Variants in SPTBN1 observed in about 807,000 individuals in gnomAD.
SPTBN1 encodes the protein spectrin beta chain, non-erythrocytic 1.
Under a neutral mutation model 266.4 loss-of-function variants are expected in SPTBN1, and 32 were observed. The ratio of observed to expected loss-of-function variants is 0.12; its 90% CI spans 0.09 to 0.16. SPTBN1 has a LOEUF of 0.16. Among genes scored for constraint, SPTBN1 ranks in the 10% least tolerant of loss-of-function variants. The pLI, the probability that SPTBN1 is intolerant of heterozygous loss-of-function variation, is 1.00. For synonymous variants in SPTBN1, 1,336 were observed against 1,162.2 expected (o/e 1.15, Z -3.04); for missense variants, 2,296 against 3,067.1 (o/e 0.75, Z 5.94).
At chr2:54,639,629 A>G (rs1572731148) in intron 18 of SPTBN1, among the ~76,000 whole-genome samples, 1 of 152,322 alleles carries the variant, frequency 6.6e-6, no homozygotes, top group East Asian at 1.9e-4. Flanking sequence ...CATGTATGGG[A>G]AAAGTAAGTA....
intron 26 of SPTBN1, among the ~76,000 whole-genome samples, chr2:54,651,956 A>G (rs1680318442): frequency 6.6e-6 from 1 of 152,076 alleles, no homozygotes; most frequent in Non-Finnish European, 1.5e-5. Flanking sequence ...CTTCTGTGCA[A>G]TCAGGGGTCA....
intron 1 of SPTBN1, among the ~76,000 whole-genome samples, chr2:54,501,473 G>C (rs750591506): frequency 6.6e-6 from 1 of 152,122 alleles, no homozygotes; most frequent in African/African-American, 2.4e-5. Context: ...CATTATTTAG[G>C]TACAGTGTTA....
In SPTBN1 at chr2:54,587,804, G is replaced by A. The variant is rs116445095; in HGVS notation, c.149-11288G>A. Among the ~76,000 whole-genome samples the A allele has an allele frequency of 4.1e-3, 627 of 152,206 alleles. 6 individuals carry two copies. Among genetic ancestry groups the A allele is most frequent in the African/African-American group, 0.012 (505 of 41,530 alleles). ...CAAATGGGGTGGCACACTCCATCCC[G>A]TAAGTGAAGGTAACCAGATAAATAC... On this transcript the variant is annotated intron_variant, in intron 2 of 35. Transcript: ENST00000356805.
Position 54,665,939 on chromosome 2 carries a change from C to T in SPTBN1, c.6684C>T (p.Val2228=). 6.2e-7 allele frequency: 1 copy of T among 1,613,898 alleles called. No individual in the cohort carries two copies. The highest frequency in any genetic ancestry group is 1.1e-5 in the South Asian group (1 of 91,030). Residue 2228 remains valine (V), a synonymous_variant, in exon 34 of 36, where the codon GTC becomes GTT. Coordinates refer to ENST00000356805, the MANE Select transcript of SPTBN1 (RefSeq NM_003128.3). ...GGTCCTGGCACAATGTTTATTGTGT[C>T]ATAAATAACCAAGAAATGGGTTTCT... ...SSRSWHNVYC[V]INNQEMGFYK... is the part of the protein sequence containing the mutation.
At chr2:54,542,292 G>A (rs1369175014) in intron 2 of SPTBN1, among the ~76,000 whole-genome samples, 2 of 152,220 alleles carry the variant, frequency 1.3e-5, no homozygotes, top group Non-Finnish European at 2.9e-5. Flanking sequence ...TGAATGGCCT[G>A]AACATGCATG....
chr2:54,493,042 A>G lies in SPTBN1; in HGVS notation c.-47-33330A>G, dbSNP rs894105539. Among the ~76,000 whole-genome samples the G allele has an allele frequency of 1.2e-3, 142 of 121,868 alleles. 1 individual carries two copies. The highest frequency in any genetic ancestry group is 6.4e-4 in the Non-Finnish European group (40 of 62,550). 80.0% of individuals were successfully genotyped at this position (121,868 alleles called of 152,430 possible). Reference sequence around the variant, plus strand: ...TTTTTTTGAGACAGGGTCTCACTCTATTGCCCAGACTGAAGTGCAGTGGCA... The same window carrying G: ...TTTTTTTGAGACAGGGTCTCACTCTGTTGCCCAGACTGAAGTGCAGTGGCA... On this transcript the variant is annotated intron_variant, in intron 1 of 35. Coordinates refer to ENST00000356805, the MANE Select transcript of SPTBN1 (RefSeq NM_003128.3).
intron 1 of SPTBN1, among the ~76,000 whole-genome samples, chr2:54,477,934 A>C (rs1667921316): frequency 6.6e-6 from 1 of 151,906 alleles, no homozygotes. Context: ...CTGGTAGTAG[A>C]CTTTGCTTTT....
intron 1 of SPTBN1, among the ~76,000 whole-genome samples, chr2:54,499,917 G>A (rs1021084433): frequency 4.6e-5 from 7 of 152,218 alleles, no homozygotes; most frequent in African/African-American, 1.7e-4. Context: ...CAGCTGTTAT[G>A]CTGGGTACTT....
At chr2:54,472,284 A>C (rs10153704) in intron 1 of SPTBN1, among the ~76,000 whole-genome samples, 14,166 of 152,010 alleles carry the variant, frequency 0.093, 1,185 homozygotes, top group African/African-American at 0.22. Context: ...GCCTGGACCT[A>C]CCAAAGTGCT....
At position 54,629,621 on chromosome 2, in the gene SPTBN1, G is replaced by A. The variant is rs780526769; in HGVS notation, c.2487G>A (p.Glu829=). 12 of 1,613,968 alleles carry A rather than the reference G, an allele frequency of 7.4e-6. No homozygotes were observed. The East Asian group carries it at 2.7e-4, about 36-fold the overall frequency. ...GGGGCAGGCTGTCGGGCATCGAGGA[G>A]CGGTATAAGGAGGTGGCAGAGCTGA... ...DVRGRLSGIE[E]RYKEVAELTR... Residue 829 remains glutamate, a synonymous_variant, in exon 14 of 36, where the codon GAG becomes GAA. Transcript: ENST00000356805.
chr2:54,468,010 A>G (rs1398095873), intron 1 of SPTBN1, among the ~76,000 whole-genome samples: 2 of 152,156 alleles, frequency 1.3e-5, no homozygotes, highest in Non-Finnish European at 2.9e-5. Context: ...CATACAGTTA[A>G]TATTTTAGTG....
chr2:54,562,781 C>T lies in SPTBN1; in HGVS notation c.148+36215C>T, dbSNP rs1228361150. The stretch of plus-strand genomic sequence containing the variant: ...CCATGTTGCCCAAACTGGTCTTGAA[C>T]TCATGAGCTCAAGTGATTGGTCTGC... On this transcript the variant is annotated intron_variant, in intron 2 of 35. Coordinates refer to ENST00000356805, the MANE Select transcript of SPTBN1 (RefSeq NM_003128.3). 9.4e-4 allele frequency among the ~76,000 whole-genome samples: 142 copies of T among 151,026 alleles called. 2 individuals carry two copies. Among genetic ancestry groups the T allele is most frequent in the Non-Finnish European group, 3.2e-4 (22 of 67,914 alleles).
chr2:54,637,552 A>T (rs1679235255), intron 17 of SPTBN1, among the ~76,000 whole-genome samples, 161 bp from the exon 18 acceptor site: 3 of 152,198 alleles, frequency 2.0e-5, no homozygotes, highest in African/African-American at 7.2e-5. Context: ...CCTTTGGAGG[A>T]TGCTAAAATC....
chr2:54,635,421 C>A (rs546977183), intron 17 of SPTBN1, among the ~76,000 whole-genome samples: 41 of 152,344 alleles, frequency 2.7e-4, no homozygotes, highest in Admixed American at 1.2e-3. Context: ...GCGCATAGAT[C>A]GGTGTCATTT....
At position 54,628,108 on chromosome 2, in the gene SPTBN1, G is replaced by A. The variant is rs1370067144; in HGVS notation, c.1656G>A (p.Leu552=). ...DWMDEMKVLV[L]SQDYGKHLLG... Reference sequence around the variant, plus strand: ...CTTCTTGTGCACAGGTGCTAGTATTGTCTCAAGACTATGGCAAACACTTAC... The same window carrying A: ...CTTCTTGTGCACAGGTGCTAGTATTATCTCAAGACTATGGCAAACACTTAC... Residue 552 remains leucine (L), a synonymous_variant, in exon 13 of 36, where the codon TTG becomes TTA. Coordinates refer to ENST00000356805, the MANE Select transcript of SPTBN1 (RefSeq NM_003128.3). This position sits in a 1 kb window ranked among gnomAD's most constrained non-coding sequence, Gnocchi z 4.3. 6.2e-7 allele frequency: 1 copy of A among 1,612,692 alleles called. No homozygotes were observed. Among genetic ancestry groups the A allele is most frequent in the African/African-American group, 1.3e-5 (1 of 74,840 alleles).
At chr2:54,648,780 C>G (rs984537550) in intron 24 of SPTBN1, among the ~76,000 whole-genome samples, 2 of 152,138 alleles carry the variant, frequency 1.3e-5, no homozygotes, top group African/African-American at 4.8e-5. Context: ...CATATTGGCT[C>G]TTTTGTTTAC....
intron 1 of SPTBN1, among the ~76,000 whole-genome samples, chr2:54,519,785 A>G (rs899001012): frequency 2.6e-5 from 4 of 152,164 alleles, no homozygotes; most frequent in Admixed American, 2.6e-4. Context: ...AGAGATGAGG[A>G]GCTGGAATGA....
At chr2:54,528,361 A>G (rs947759138) in intron 2 of SPTBN1, 2 of 152,596 alleles carry the variant, frequency 1.3e-5, no homozygotes, top group African/African-American at 4.8e-5. Context: ...GGTCTTTCCT[A>G]CAGTTTGAGA....
chr2:54,519,357 C>T (rs973715851), intron 1 of SPTBN1, among the ~76,000 whole-genome samples: 1 of 152,118 alleles, frequency 6.6e-6, no homozygotes, highest in Non-Finnish European at 1.5e-5. Flanking sequence ...GTCAGCGGTG[C>T]ATAAGGTGTC....
Sources: gnomAD v4.1 joint callset for allele counts (sites outside exome capture counted in the v4.1 genomes callset) on GRCh38, gnomAD v4.1.1 for gene constraint, Gnocchi (gnomAD v3.1) non-coding constraint, MANE v1.5 for transcripts, NCBI Gene and HGNC (gene_info 2026-07-23, HGNC 2026-07-21) for gene names.